COL19A1: variants seen among roughly 807,000 people sequenced by gnomAD.
COL19A1 encodes collagen alpha-1(XIX) chain.
Under a neutral mutation model 190.2 loss-of-function variants are expected in COL19A1, and 159 were observed. That is an observed-to-expected ratio of 0.84 (90% CI 0.73 to 0.95). The LOEUF is 0.95. COL19A1 is among the 40% of genes least tolerant of loss of function. The pLI is 0.00. For synonymous variants in COL19A1, 509 were observed against 458.9 expected, an observed-to-expected ratio of 1.11 and a Z score of -1.39; for missense variants, 1,418 against 1,431.9, an observed-to-expected ratio of 0.99 and a Z score of 0.16.
chr6:69,963,940 TC>T (rs1184202213), intron 11 of COL19A1, among the ~76,000 whole-genome samples: 8 of 152,224 alleles, frequency 5.3e-5, no homozygotes, highest in Non-Finnish European at 1.2e-4. Context: ...CTTCAGATAA[TC>T]ATTTGAATCC....
chr6:69,900,350 A>G lies in COL19A1; in HGVS notation c.266+12A>G, dbSNP rs1770099354. ...ATTAGAGACACTATGTAAGTAAAAAATTATTTTCTTTATGTTTAATAATAC... is the reference window on the plus strand; with the variant it reads ...ATTAGAGACACTATGTAAGTAAAAAGTTATTTTCTTTATGTTTAATAATAC... On this transcript the variant is annotated intron_variant, in intron 4 of 50. Coordinates refer to ENST00000620364, the MANE Select transcript of COL19A1 (RefSeq NM_001858.6). 1.5e-6 allele frequency: 2 copies of G among 1,357,448 alleles called. No homozygotes were observed. Among genetic ancestry groups the G allele is most frequent in the Non-Finnish European group, 2.0e-6 (2 of 992,706 alleles). 84.1% of individuals were successfully genotyped at this position (1,357,448 alleles called of 1,614,324 possible).
At chr6:70,123,636 T>G in intron 17 of COL19A1, among the ~76,000 whole-genome samples, 1 of 131,030 alleles carries the variant, frequency 7.6e-6, no homozygotes, top group East Asian at 2.0e-4. Context: ...CCATAAAAAA[T>G]GATGACTTCA....
chr6:70,131,257 A>G, intron 18 of COL19A1: 1 of 223,048 alleles, frequency 4.5e-6, no homozygotes, highest in South Asian at 5.5e-5. Context: ...TGCTACTTTC[A>G]TTCATTCACC....
At chr6:69,987,245 C>T (rs1776362859) in intron 11 of COL19A1, among the ~76,000 whole-genome samples, 1 of 152,202 alleles carries the variant, frequency 6.6e-6, no homozygotes, top group Admixed American at 6.5e-5. Context: ...ATCCTTCTGT[C>T]ATGTTCATTT....
intron 14 of COL19A1, chr6:70,059,822 AT>A: frequency 3.9e-6 from 2 of 514,216 alleles, no homozygotes; most frequent in Middle Eastern, 3.3e-4. Flanking sequence ...TGTGTGCAAA[AT>A]TTTAGAAATA....
chr6:70,106,393 A>G (rs1009609243), intron 16 of COL19A1, among the ~76,000 whole-genome samples: 3 of 151,898 alleles, frequency 2.0e-5, no homozygotes, highest in Non-Finnish European at 4.4e-5. Context: ...CTGAGACATT[A>G]TATCTCCTAG....
chr6:69,894,957 G>A (rs1047226480), intron 2 of COL19A1, among the ~76,000 whole-genome samples: 1 of 152,218 alleles, frequency 6.6e-6, no homozygotes, highest in Non-Finnish European at 1.5e-5. Context: ...GAGTGGAGAG[G>A]AGGAAAGAAA....
At chr6:70,206,868 TG>T (rs1562271034) in intron 49 of COL19A1, 32 bp from the exon 50 acceptor site, 2 of 1,593,538 alleles carry the variant, frequency 1.3e-6, no homozygotes, top group South Asian at 2.3e-5. Context: ...GAACCCTTTT[TG>T]TGTGTCTCTT....
Position 70,025,275 on chromosome 6 carries a change from C to T in COL19A1, c.1080+1595C>T, listed in dbSNP as rs547368896. On this transcript the variant is annotated intron_variant, in intron 12 of 50. Coordinates refer to ENST00000620364, the MANE Select transcript of COL19A1 (RefSeq NM_001858.6). ...TCGATCTCCTGACCTCGTGATCCGC[C>T]CGCGTCGGCCTCCCAAAGTGCTGGG... Among the ~76,000 whole-genome samples, 4 of 152,270 alleles carry T rather than the reference C, an allele frequency of 2.6e-5. No homozygotes were observed. In the East Asian group the frequency reaches 7.7e-4, roughly 29 times the overall value.
intron 4 of COL19A1, among the ~76,000 whole-genome samples, chr6:69,908,317 CA>C (rs1489819215): frequency 1.9e-4 from 29 of 152,260 alleles, no homozygotes; most frequent in Admixed American, 1.4e-3. Flanking sequence ...CTTGGGTTTT[CA>C]TTTGGGGCAT....
intron 18 of COL19A1, 105 bp from the exon 19 acceptor site, chr6:70,137,580 A>T (rs2150230562): frequency 9.7e-7 from 1 of 1,031,222 alleles, no homozygotes; most frequent in East Asian, 2.4e-5. Flanking sequence ...GCTAATAGAT[A>T]AATTGTATAG....
chr6:69,894,330 T>A (rs1287113785), intron 2 of COL19A1, among the ~76,000 whole-genome samples: 7 of 152,178 alleles, frequency 4.6e-5, no homozygotes, highest in African/African-American at 4.8e-5. Context: ...ATTCCATATG[T>A]CCCCAGGCCT....
chr6:69,986,952 ACT>A (rs1303951398), intron 11 of COL19A1, among the ~76,000 whole-genome samples: 1 of 152,058 alleles, frequency 6.6e-6, no homozygotes, highest in Non-Finnish European at 1.5e-5. Flanking sequence ...AGACAGTCTC[ACT>A]CTGTCACCCG....
intron 16 of COL19A1, among the ~76,000 whole-genome samples, chr6:70,115,889 A>G (rs1784549001): frequency 6.9e-6 from 1 of 144,768 alleles, no homozygotes; most frequent in South Asian, 2.2e-4. Flanking sequence ...AAAATTCTCA[A>G]CAGAAGCATT....
At chr6:70,125,186 A>G (rs374510684) in intron 17 of COL19A1, among the ~76,000 whole-genome samples, 1 of 152,216 alleles carries the variant, frequency 6.6e-6, no homozygotes, top group African/African-American at 2.4e-5. Flanking sequence ...CCTAGAGATT[A>G]AATAATGGAC....
At position 69,938,042 on chromosome 6, in the gene COL19A1, A is replaced by G; in HGVS notation, c.878A>G (p.Glu293Gly). The change falls in exon 9 of 51, where the codon GAA becomes GGA. Residue 293 changes from glutamate to glycine, a missense_variant. Coordinates refer to ENST00000620364, the MANE Select transcript of COL19A1 (RefSeq NM_001858.6). Reference protein sequence around the residue: ...DQCQCIPNKGEAGLPGAPGSP... With the variant: ...DQCQCIPNKGGAGLPGAPGSP... The stretch of plus-strand genomic sequence containing the variant: ...CAGATATGCATTTTTGCTCAGGGAG[A>G]AGCAGGATTACCAGGAGCTCCGGGT... The G allele has an allele frequency of 6.2e-7, 1 of 1,612,594 alleles. No homozygotes were observed.
intron 11 of COL19A1, among the ~76,000 whole-genome samples, chr6:69,997,767 A>C (rs549499999): frequency 6.6e-6 from 1 of 152,282 alleles, no homozygotes; most frequent in South Asian, 2.1e-4. Context: ...GCATACCAAC[A>C]TGTATGTAAT....
intron 34 of COL19A1, among the ~76,000 whole-genome samples, chr6:70,159,076 G>A (rs1361802702): frequency 6.6e-6 from 1 of 151,088 alleles, no homozygotes; most frequent in Non-Finnish European, 1.5e-5. Context: ...TGAATCCCAA[G>A]CTTATAAATT....
At chr6:70,100,313 C>T (rs1393943121) in intron 15 of COL19A1, among the ~76,000 whole-genome samples, 4 of 152,092 alleles carry the variant, frequency 2.6e-5, no homozygotes, top group African/African-American at 7.2e-5. Context: ...GGCGAATTTA[C>T]TTATATTTAC....
Sources: gnomAD v4.1 joint callset for allele counts (sites outside exome capture counted in the v4.1 genomes callset) on GRCh38, gnomAD v4.1.1 for gene constraint, MANE v1.5 for transcripts, NCBI Gene and HGNC (gene_info 2026-07-23, HGNC 2026-07-21) for gene names.